Variants in ARHGEF18 observed in about 807,000 individuals in gnomAD.
ARHGEF18 encodes rho guanine nucleotide exchange factor 18.
ARHGEF18 carries 93 observed loss-of-function variants against 155.7 expected under a neutral mutation model. The ratio of observed to expected loss-of-function variants is 0.60; its 90% CI spans 0.50 to 0.71. The LOEUF (loss-of-function observed/expected upper bound fraction) is 0.71, where lower values mean the gene tolerates loss of function less well. Among genes scored for constraint, ARHGEF18 ranks in the 30% least tolerant of loss-of-function variants. ARHGEF18 has a pLI of 0.00. For missense variants in ARHGEF18, 1,593 were observed against 1,816.1 expected, an observed-to-expected ratio of 0.88 and a Z score of 2.23; for synonymous variants, 742 against 753.1, an observed-to-expected ratio of 0.99 and a Z score of 0.24.
At chr19:7,386,770 G>A (rs1374779564) in intron 10 of ARHGEF18, among the ~76,000 whole-genome samples, 6 of 152,002 alleles carry the variant, frequency 3.9e-5, no homozygotes, top group Non-Finnish European at 5.9e-5. Flanking sequence ...CTTGTCACTC[G>A]ATAGCTGAGC....
chr19:7,419,201 T>C (rs931349003), intron 10 of ARHGEF18, among the ~76,000 whole-genome samples: 12 of 133,092 alleles, frequency 9.0e-5, no homozygotes, highest in East Asian at 7.0e-4. Context: ...ACTCGGCCTC[T>C]GTACCCCGAT....
rs587602037 is a variant in ARHGEF18 at position 7,352,832 on chromosome 19, C to CTTTTTTTT, written c.-111+3606_-111+3613dup. Among the ~76,000 whole-genome samples, 297 of 49,880 alleles carry CTTTTTTTT rather than the reference C, an allele frequency of 6.0e-3. 91 individuals are homozygous for CTTTTTTTT. The East Asian group carries it at 0.14, about 24-fold the overall frequency. The allele number at this position is 49,880 out of a possible 152,430, so 32.7% of individuals were successfully genotyped here. On this transcript the variant is annotated intron_variant, in intron 1 of 28. Coordinates refer to ENST00000668164, the MANE Select transcript of ARHGEF18 (RefSeq NM_001367823.1). Reference sequence around the variant, plus strand: ...ACAGGTGTGAGTCGCCGTGCCTGGCCTTTTTTTTTTTTTTTTTTTTTTGAC... The same window carrying CTTTTTTTT: ...ACAGGTGTGAGTCGCCGTGCCTGGCCTTTTTTTTTTTTTTTTTTTTTTTTTTTTTTGAC...
intron 10 of ARHGEF18, among the ~76,000 whole-genome samples, chr19:7,408,690 G>A (rs1471222581): frequency 6.6e-6 from 1 of 152,220 alleles, no homozygotes; most frequent in Non-Finnish European, 1.5e-5. Flanking sequence ...GTAATGATCT[G>A]TTGTGGTATT....
rs144651861 is a variant in ARHGEF18 at position 7,458,592 on chromosome 19, C to T, written c.2262C>T (p.Ile754=). The T allele has an allele frequency of 3.7e-6, 6 of 1,614,070 alleles. No homozygotes were observed. The highest frequency in any genetic ancestry group is 5.1e-6 in the Non-Finnish European group (6 of 1,180,040). Residue 754 remains isoleucine, a synonymous_variant, in exon 19 of 29, where the codon ATC becomes ATT. Transcript: ENST00000668164. The part of the protein sequence containing the change: ...VANEEKAMFL[I]SASLQGPEMY... ...ACGAGGAGAAAGCGATGTTTCTGAT[C>T]AGCGCCTCCTTGCAAGGGCCGGAGA...
In ARHGEF18 at chr19:7,462,271, C is replaced by T. The variant is rs139068196; in HGVS notation, c.2572C>T (p.Arg858Cys). Residue 858 changes from arginine (R) to cysteine (C), a missense_variant, in exon 21 of 29, where the codon CGT (arginine) becomes TGT (cysteine). Transcript: ENST00000668164. The surrounding 1 kb of genome is among the most constrained non-coding windows in gnomAD (Gnocchi z 4.4). ...EDLPQPRGLF[R>C]GGDPSETLQG... ...CCTGCCCCAGCCCCGAGGCCTATTC[C>T]GTGGAGGGGACCCATCCGAGACCCT... 40 of 1,613,414 alleles carry T rather than the reference C, an allele frequency of 2.5e-5. No individual in the cohort carries two copies. In the African/African-American group the frequency reaches 3.6e-4, roughly 15 times the overall value.
intron 14 of ARHGEF18, among the ~76,000 whole-genome samples, chr19:7,446,816 A>G (rs1975021595): frequency 6.7e-6 from 1 of 150,284 alleles, no homozygotes; most frequent in Non-Finnish European, 1.5e-5. Flanking sequence ...GCATCGCTTG[A>G]TCCCGGGAGA....
intron 1 of ARHGEF18, among the ~76,000 whole-genome samples, chr19:7,353,174 A>G (rs890879443): frequency 1.9e-4 from 28 of 149,184 alleles, no homozygotes; most frequent in African/African-American, 6.7e-4. Flanking sequence ...GATTCTTCCA[A>G]CTCTGACTGC....
chr19:7,376,032 TG>T (rs1970445687), intron 4 of ARHGEF18, among the ~76,000 whole-genome samples, 162 bp downstream of exon 4: 1 of 152,106 alleles, frequency 6.6e-6, no homozygotes, highest in African/African-American at 2.4e-5. Flanking sequence ...CAGTTGTCTC[TG>T]GGTCCTAGGA....
chr19:7,427,637 C>A (rs1182782884), intron 10 of ARHGEF18, among the ~76,000 whole-genome samples: 1 of 147,508 alleles, frequency 6.8e-6, no homozygotes, highest in Admixed American at 6.8e-5. Context: ...AGAGGGAGAC[C>A]CTGTCTCTAA....
Position 7,464,578 on chromosome 19 carries a change from AAGTC to A in ARHGEF18, c.2795_2798del (p.Val932AlafsTer19). ...TTCTCAGATGGCAGTTTCAAGAAGA[AAGTC>A]AGCAGCACTGACCCCAGGCCCCGAG... On this transcript the variant is annotated frameshift_variant, in exon 23 of 29. Coordinates refer to ENST00000668164, the MANE Select transcript of ARHGEF18 (RefSeq NM_001367823.1). LOFTEE classifies it high-confidence loss of function. 2 of 1,611,336 alleles carry A rather than the reference AAGTC, an allele frequency of 1.2e-6. No individual in the cohort carries two copies. The highest frequency in any genetic ancestry group is 1.7e-6 in the Non-Finnish European group (2 of 1,178,056).
intron 2 of ARHGEF18, among the ~76,000 whole-genome samples, chr19:7,366,042 T>C (rs1203209189): frequency 6.6e-6 from 1 of 152,150 alleles, no homozygotes; most frequent in African/African-American, 2.4e-5. Context: ...ACCTCCCAGG[T>C]TCAAGAGATT....
In ARHGEF18 at chr19:7,469,979, G is replaced by A. The variant is rs1035059029; in HGVS notation, c.3863G>A (p.Arg1288His). 1.4e-5 allele frequency: 23 copies of A among 1,613,134 alleles called. No individual in the cohort carries two copies. The highest frequency in any genetic ancestry group is 1.7e-5 in the Admixed American group (1 of 59,996). ...GATGAGAGCACCTCACGGAACCGCC[G>A]CTCGCTGAGCCCTATCCTGCCCGGC... Reference protein sequence around the residue: ...GKDESTSRNRRSLSPILPGRH... With the variant: ...GKDESTSRNRHSLSPILPGRH... The change falls in exon 28 of 29, where the codon CGC becomes CAC. Residue 1288 changes from arginine (R) to histidine (H), a missense_variant. Arg to His is a conservative substitution (Grantham distance 29, BLOSUM62 0). Coordinates refer to ENST00000668164, the MANE Select transcript of ARHGEF18 (RefSeq NM_001367823.1).
Position 7,453,495 on chromosome 19 carries a change from C to A in ARHGEF18, c.1884C>A (p.Thr628=). 1 of 1,611,556 alleles carries A rather than the reference C, an allele frequency of 6.2e-7. No individual in the cohort carries two copies. Among genetic ancestry groups the A allele is most frequent in the Non-Finnish European group, 8.5e-7 (1 of 1,178,106 alleles). ...GCACTGAGGACTATGAAGACCTGAC[C>A]CAGGCCTTGAACCTCATCAAAGATA... ...EAGTEDYEDL[T]QALNLIKDII... is the part of the protein sequence containing the mutation. The change falls in exon 17 of 29, where the codon ACC becomes ACA. Residue 628 remains threonine, a synonymous_variant. Transcript: ENST00000668164.
intron 10 of ARHGEF18, among the ~76,000 whole-genome samples, chr19:7,432,201 G>C (rs893362465): frequency 2.0e-5 from 3 of 152,114 alleles, no homozygotes; most frequent in African/African-American, 7.2e-5. Flanking sequence ...TCTATTCCCA[G>C]GTGGCCGAAA....
chr19:7,438,603 G>T lies in ARHGEF18; in HGVS notation c.968-1741G>T, dbSNP rs564799146. Among the ~76,000 whole-genome samples the T allele has an allele frequency of 8.6e-5, 13 of 151,764 alleles. No individual in the cohort carries two copies. The East Asian group carries it at 2.3e-3, about 27-fold the overall frequency. ...ATTTTGTATTTTTAGTAGAGATGGG[G>T]TTTCTCCATGTTGGCTAGGCTAGTC... On this transcript the variant is annotated intron_variant, in intron 10 of 28. Transcript: ENST00000668164.
chr19:7,405,919 T>C (rs1972279169), intron 10 of ARHGEF18, among the ~76,000 whole-genome samples: 1 of 152,128 alleles, frequency 6.6e-6, no homozygotes, highest in South Asian at 2.1e-4. Flanking sequence ...ATTCCCAGCC[T>C]AGAACAAGTT....
chr19:7,376,859 G>A, intron 5 of ARHGEF18, 102 bp downstream of exon 5: 1 of 857,258 alleles, frequency 1.2e-6, no homozygotes, highest in Non-Finnish European at 1.5e-6. Flanking sequence ...CATCCTGGAG[G>A]GTCCCCTTGG....
At chr19:7,412,590 A>G (rs1972753462) in intron 10 of ARHGEF18, among the ~76,000 whole-genome samples, 1 of 151,690 alleles carries the variant, frequency 6.6e-6, no homozygotes, top group Admixed American at 6.6e-5. Flanking sequence ...AAAAATACAT[A>G]AAGTAGCCGG....
rs915873711 is a variant in ARHGEF18, at chr19:7,372,708, A to G, written c.16-104A>G. Reference sequence around the variant, plus strand: ...CAGGAGGGACAGGTAGGGGACAGGCAGGGTCTGGATGTTGGGAGCAGGGAC... The same window carrying G: ...CAGGAGGGACAGGTAGGGGACAGGCGGGGTCTGGATGTTGGGAGCAGGGAC... On this transcript the variant is annotated intron_variant, in intron 2 of 28. Transcript: ENST00000668164. 2.3e-5 allele frequency: 26 copies of G among 1,141,262 alleles called. No individual in the cohort carries two copies. The African/African-American group carries it at 2.7e-4, about 12-fold the overall frequency. The allele number at this position is 1,141,262 out of a possible 1,614,324, so 70.7% of individuals were successfully genotyped here.
Sources: gnomAD v4.1 joint callset for allele counts (sites outside exome capture counted in the v4.1 genomes callset) on GRCh38, gnomAD v4.1.1 for gene constraint, Gnocchi (gnomAD v3.1) non-coding constraint, MANE v1.5 for transcripts, NCBI Gene and HGNC (gene_info 2026-07-23, HGNC 2026-07-21) for gene names.